TSC22D3: variants seen among roughly 807,000 people sequenced by gnomAD.
The protein encoded by TSC22D3 is TSC22 domain family protein 3.
A neutral mutation model predicts 11.1 loss-of-function variants in TSC22D3; 4 were observed. The ratio of observed to expected loss-of-function variants is 0.36; its 90% CI spans 0.18 to 0.83. TSC22D3 has a LOEUF of 0.83. TSC22D3 is among the 40% of genes least tolerant of loss of function. The pLI, the probability that TSC22D3 is intolerant of heterozygous loss-of-function variation, is 0.48. For synonymous variants in TSC22D3, 77 were observed against 70.3 expected, an observed-to-expected ratio of 1.10 and a Z score of -0.48; for missense variants, 118 against 159.4, an observed-to-expected ratio of 0.74 and a Z score of 1.40.
chrX:107,714,298 T>G lies in TSC22D3; in HGVS notation c.*221A>C. The G allele has an allele frequency of 2.5e-6, 1 of 395,247 alleles. No individual in the cohort carries two copies. Among genetic ancestry groups the G allele is most frequent in the Non-Finnish European group, 4.4e-6 (1 of 227,657 alleles). 32.6% of individuals were successfully genotyped at this position (395,247 alleles called of 1,213,427 possible). On this transcript the variant is annotated 3_prime_UTR_variant, in exon 3 of 3. Coordinates refer to ENST00000372383, the MANE Select transcript of TSC22D3 (RefSeq NM_198057.3). Reference sequence around the variant, plus strand: ...GCATTAGAGGCTCACTGGCTTGGTGTTACTAGGCCCCATGCAACTCAGCCT... The same window carrying G: ...GCATTAGAGGCTCACTGGCTTGGTGGTACTAGGCCCCATGCAACTCAGCCT...
chrX:107,768,618 C>G (rs546739773), intron 1 of TSC22D3, among the ~76,000 whole-genome samples: 1 of 112,099 alleles, frequency 8.9e-6, no homozygotes, highest in African/African-American at 3.2e-5. Flanking sequence ...GTCCAGGCCC[C>G]GTGCTGTAAC....
At chrX:107,723,439 C>T (rs1927455624) in intron 1 of TSC22D3, among the ~76,000 whole-genome samples, 1 of 112,666 alleles carries the variant, frequency 8.9e-6, no homozygotes, top group Non-Finnish European at 1.9e-5. Context: ...CAGCTCCTCT[C>T]AGCCTTATAC....
At chrX:107,754,541 C>T (rs888498652) in intron 1 of TSC22D3, among the ~76,000 whole-genome samples, 18 of 111,821 alleles carry the variant, frequency 1.6e-4, no homozygotes, top group African/African-American at 5.5e-4. Context: ...CAAAACTCTA[C>T]CCAGATACAA....
At chrX:107,716,827 G>A (rs1310062971) in intron 1 of TSC22D3, 1 of 1,209,437 alleles carries the variant, frequency 8.3e-7, no homozygotes, top group South Asian at 1.8e-5. Flanking sequence ...GGGCTGCTAG[G>A]AAGCTCTGGC....
chrX:107,725,218 C>T (rs1180867240), intron 1 of TSC22D3, among the ~76,000 whole-genome samples: 1 of 112,573 alleles, frequency 8.9e-6, no homozygotes, highest in East Asian at 2.8e-4. Flanking sequence ...TCAAATACTT[C>T]AGTATGAACT....
intron 1 of TSC22D3, among the ~76,000 whole-genome samples, chrX:107,727,368 C>T (rs751781223): frequency 1.2e-4 from 14 of 112,300 alleles, no homozygotes; most frequent in Non-Finnish European, 2.3e-4. Flanking sequence ...AGCCAGCTGG[C>T]GACTTCATGG....
intron 1 of TSC22D3, 144 bp from the exon 2 acceptor site, chrX:107,716,094 T>C (rs958644927): frequency 1.4e-6 from 1 of 717,659 alleles, no homozygotes; most frequent in Admixed American, 3.2e-5. Context: ...TCCGGACAGT[T>C]TGTCCCCAGA....
rs1930084768 is a variant in TSC22D3 at position 107,775,308 on chromosome X, T to C, written c.112A>G (p.Asn38Asp). ...GLQRGSSGEN[N>D]NPGSPTVSNF... ...CTCACTGTAGGGCTGCCCGGGTTGT[T>C]GTTCTCCCCGCTGCTGCCTCGCTGG... Residue 38 changes from asparagine to aspartate, a missense_variant, in exon 1 of 3, where the codon AAC (asparagine) becomes GAC (aspartate). By Grantham distance (23) the Asn-to-Asp change is conservative. Coordinates refer to ENST00000372383, the MANE Select transcript of TSC22D3 (RefSeq NM_198057.3). The C allele has an allele frequency of 1.7e-6, 2 of 1,211,751 alleles. No individual in the cohort carries two copies. Among genetic ancestry groups the C allele is most frequent in the Non-Finnish European group, 2.2e-6 (2 of 895,418 alleles).
At chrX:107,721,856 T>C (rs897756145) in intron 1 of TSC22D3, 1 of 518,335 alleles carries the variant, frequency 1.9e-6, no homozygotes, top group Admixed American at 2.7e-5. Flanking sequence ...TCTAATTACT[T>C]ACTTGTCCCT....
At chrX:107,725,133 T>C (rs2147731784) in intron 1 of TSC22D3, among the ~76,000 whole-genome samples, 1 of 112,849 alleles carries the variant, frequency 8.9e-6, no homozygotes, top group South Asian at 3.6e-4. Flanking sequence ...TCTTCATTTA[T>C]ACTTTGAGGA....
chrX:107,714,186 C>T lies in TSC22D3; in HGVS notation c.*333G>A. Reference sequence around the variant, plus strand: ...AACAGACCCCTTAAACTTTCTGGAGCAAACTGGTGTCACACCTCAAACTAC... The same window carrying T: ...AACAGACCCCTTAAACTTTCTGGAGTAAACTGGTGTCACACCTCAAACTAC... On this transcript the variant is annotated 3_prime_UTR_variant, in exon 3 of 3. Transcript: ENST00000372383. 1 of 202,013 alleles carries T rather than the reference C, an allele frequency of 5.0e-6. No homozygotes were observed. Among genetic ancestry groups the T allele is most frequent in the African/African-American group, 2.9e-5 (1 of 35,051 alleles). 16.6% of individuals were successfully genotyped at this position (202,013 alleles called of 1,213,427 possible).
chrX:107,724,290 G>A (rs1043416671), intron 1 of TSC22D3, among the ~76,000 whole-genome samples: 5 of 112,962 alleles, frequency 4.4e-5, no homozygotes, highest in Admixed American at 2.8e-4. Flanking sequence ...AACAGGGCCA[G>A]CTTCTCCCTG....
At chrX:107,744,764 A>G (rs1276903164) in intron 1 of TSC22D3, among the ~76,000 whole-genome samples, 2 of 111,546 alleles carry the variant, frequency 1.8e-5, no homozygotes, top group East Asian at 5.6e-4. Context: ...GGTTTGTGCT[A>G]TTTTGCTCCT....
At chrX:107,760,293 T>TA (rs1421862595) in intron 1 of TSC22D3, among the ~76,000 whole-genome samples, 7 of 112,349 alleles carry the variant, frequency 6.2e-5, no homozygotes, top group East Asian at 2.8e-4. Flanking sequence ...AAATCAAATT[T>TA]AAAAAAATCA....
intron 1 of TSC22D3, among the ~76,000 whole-genome samples, chrX:107,733,648 G>A (rs1189198256): frequency 9.0e-6 from 1 of 111,222 alleles, no homozygotes; most frequent in Non-Finnish European, 1.9e-5. Context: ...CTGCTGTGCC[G>A]AATGAACCCG....
intron 1 of TSC22D3, among the ~76,000 whole-genome samples, chrX:107,729,914 C>G (rs1030527265): frequency 3.5e-5 from 4 of 112,757 alleles, no homozygotes; most frequent in Non-Finnish European, 7.5e-5. Flanking sequence ...AGGGAATGCC[C>G]CGCAGGTGGG....
At position 107,748,239 on chromosome X, in the gene TSC22D3, A is replaced by G. The variant is rs1286169076; in HGVS notation, c.320+26861T>C. Among the ~76,000 whole-genome samples the G allele has an allele frequency of 6.2e-5, 7 of 112,202 alleles. No individual in the cohort carries two copies. In the Admixed American group the frequency reaches 6.6e-4, roughly 11 times the overall value. On this transcript the variant is annotated intron_variant, in intron 1 of 2. Coordinates refer to ENST00000372383, the MANE Select transcript of TSC22D3 (RefSeq NM_198057.3). ...TGTGACCTTGGGCAAGACTTTTTCTATCTCTGGGCTTCTATTTCCACTTCT... is the reference window on the plus strand; with the variant it reads ...TGTGACCTTGGGCAAGACTTTTTCTGTCTCTGGGCTTCTATTTCCACTTCT...
Position 107,771,340 on chromosome X carries a change from C to T in TSC22D3, c.320+3760G>A, listed in dbSNP as rs61550309. Among the ~76,000 whole-genome samples the T allele has an allele frequency of 2.7e-3, 300 of 112,176 alleles. 1 individual carries two copies. Among genetic ancestry groups the T allele is most frequent in the African/African-American group, 9.2e-3 (284 of 30,917 alleles). On this transcript the variant is annotated intron_variant, in intron 1 of 2. Transcript: ENST00000372383. ...TGGCTCATGCCTGTAATCCCAGCAC[C>T]TTGGGAGGCCGAGGCTGGTGGATCA...
intron 1 of TSC22D3, chrX:107,716,867 C>G: frequency 8.4e-7 from 1 of 1,195,463 alleles, no homozygotes; most frequent in Non-Finnish European, 1.1e-6. Flanking sequence ...GGCGGCTGGG[C>G]GGCTGGGTGG....
Sources: gnomAD v4.1 joint callset for allele counts (sites outside exome capture counted in the v4.1 genomes callset) on GRCh38, gnomAD v4.1.1 for gene constraint, MANE v1.5 for transcripts, NCBI Gene and HGNC (gene_info 2026-07-23, HGNC 2026-07-21) for gene names.